Variants in PLEKHO1 observed in about 807,000 individuals in gnomAD.
PLEKHO1 encodes pleckstrin homology domain-containing family O member 1.
PLEKHO1 carries 22 observed loss-of-function variants against 41.4 expected under a neutral mutation model. The observed-to-expected ratio is 0.53, with a 90% confidence interval of 0.38 to 0.76. PLEKHO1 has a LOEUF of 0.76. Ranked by LOEUF, PLEKHO1 falls within the 30% of genes least tolerant of loss-of-function variation. PLEKHO1 has a pLI of 0.00. For synonymous variants in PLEKHO1, 225 were observed against 210.8 expected, an observed-to-expected ratio of 1.07 and a Z score of -0.58; for missense variants, 488 against 518.3, an observed-to-expected ratio of 0.94 and a Z score of 0.57.
chr1:150,150,679 GC>G (rs1357727990), intron 1 of PLEKHO1: 19 of 501,184 alleles, frequency 3.8e-5, no homozygotes, highest in African/African-American at 3.2e-4. Context: ...CCCGGCCGGC[GC>G]CCCTGCCACT....
chr1:150,159,085 A>C lies in PLEKHO1; in HGVS notation c.792A>C (p.Thr264=). 1 of 1,613,842 alleles carries C rather than the reference A, an allele frequency of 6.2e-7. No homozygotes were observed. The highest frequency in any genetic ancestry group is 8.5e-7 in the Non-Finnish European group (1 of 1,179,860). ...AGGCACCCAAGAAGTTGACGCCCACAGAGAAAGGCCGCTGCGCCTCCCTGG... is the reference window on the plus strand; with the variant it reads ...AGGCACCCAAGAAGTTGACGCCCACCGAGAAAGGCCGCTGCGCCTCCCTGG... ...TPQAPKKLTP[T]EKGRCASLEE... Residue 264 remains threonine (T), a synonymous_variant, in exon 6 of 6, where the codon ACA becomes ACC. Coordinates refer to ENST00000369124, the MANE Select transcript of PLEKHO1 (RefSeq NM_016274.6).
At chr1:150,158,394 C>T (rs1660264621) in intron 5 of PLEKHO1, among the ~76,000 whole-genome samples, 1 of 152,054 alleles carries the variant, frequency 6.6e-6, no homozygotes, top group Non-Finnish European at 1.5e-5. Flanking sequence ...CAGTCAAGAG[C>T]AGAGGGCTTT....
rs782544075 is a variant in PLEKHO1, at chr1:150,159,564, C to T, written c.*41C>T. 7.0e-5 allele frequency: 92 copies of T among 1,307,620 alleles called. No homozygotes were observed. The highest frequency in any genetic ancestry group is 2.0e-4 in the Middle Eastern group (1 of 4,952). The allele number at this position is 1,307,620 out of a possible 1,614,324, so 81.0% of individuals were successfully genotyped here. ...TGGAACTTGTCGGGTTGGACAGACTCTTATCTCCGTGTTGCTGGATAAAGC... is the reference window on the plus strand; with the variant it reads ...TGGAACTTGTCGGGTTGGACAGACTTTTATCTCCGTGTTGCTGGATAAAGC... On this transcript the variant is annotated 3_prime_UTR_variant, in exon 6 of 6. Coordinates refer to ENST00000369124, the MANE Select transcript of PLEKHO1 (RefSeq NM_016274.6).
Position 150,158,829 on chromosome 1 carries a change from C to G in PLEKHO1, c.536C>G (p.Ser179Cys), listed in dbSNP as rs1329476687. 7.5e-6 allele frequency: 12 copies of G among 1,603,088 alleles called. No homozygotes were observed. The Admixed American group carries it at 1.8e-4, about 25-fold the overall frequency. ...RGHLMAVAST[S>C]TSDGMLTLDL... ...CCCCTTCCTCCACAGGCTTCCACCT[C>G]TACCTCGGATGGGATGCTGACCTTG... The change falls in exon 6 of 6, where the codon TCT (serine) becomes TGT (cysteine). Residue 179 changes from serine (S) to cysteine (C), a missense_variant. This residue lies in a region of PLEKHO1 where 337 missense variants were observed against 324.6 expected (regional missense o/e 1.04). Coordinates refer to ENST00000369124, the MANE Select transcript of PLEKHO1 (RefSeq NM_016274.6).
At position 150,150,300 on chromosome 1, in the gene PLEKHO1, G is replaced by A. The variant is rs781843216; in HGVS notation, c.30+13G>A. ...TTCCGCCAAGCGGGTGAGTGCGCTT[G>A]CCCGCCCTGCGGCCGCCGCCGCCTC... On this transcript the variant is annotated intron_variant, in intron 1 of 5. Coordinates refer to ENST00000369124, the MANE Select transcript of PLEKHO1 (RefSeq NM_016274.6). 1 of 1,086,976 alleles carries A rather than the reference G, an allele frequency of 9.2e-7. No individual in the cohort carries two copies. Among genetic ancestry groups the A allele is most frequent in the South Asian group, 2.9e-5 (1 of 34,146 alleles). The allele number at this position is 1,086,976 out of a possible 1,614,324, so 67.3% of individuals were successfully genotyped here.
intron 2 of PLEKHO1, among the ~76,000 whole-genome samples, chr1:150,152,130 C>T (rs1553819170): frequency 1.3e-5 from 2 of 152,126 alleles, no homozygotes; most frequent in East Asian, 3.9e-4. Flanking sequence ...GTAAATAAAA[C>T]CTTTTATGGT....
At chr1:150,157,558 C>A in intron 5 of PLEKHO1, 72 bp downstream of exon 5, 3 of 1,061,114 alleles carry the variant, frequency 2.8e-6, no homozygotes, top group East Asian at 2.4e-5. Context: ...GAACTGTATG[C>A]CACCAGAGGC....
At chr1:150,157,546 CAG>C in intron 5 of PLEKHO1, 60 bp downstream of exon 5, 2 of 1,221,524 alleles carry the variant, frequency 1.6e-6, no homozygotes, top group Non-Finnish European at 2.4e-6. Context: ...CCATCTCAGA[CAG>C]AACTGTATGC....
At chr1:150,157,105 G>A (rs374365471) in intron 4 of PLEKHO1, 90 bp downstream of exon 4, 24 of 833,640 alleles carry the variant, frequency 2.9e-5, no homozygotes, top group East Asian at 2.0e-4. Context: ...TGCAGGCCCC[G>A]TTTACTCGCT....
intron 2 of PLEKHO1, chr1:150,155,093 C>T (rs1553820067): frequency 6.6e-6 from 1 of 152,228 alleles, no homozygotes; most frequent in East Asian, 1.9e-4. Context: ...GGAATGCGGC[C>T]TCGATGAGAC....
Position 150,151,649 on chromosome 1 carries a change from A to C in PLEKHO1, c.177+591A>C, listed in dbSNP as rs587716707. Among the ~76,000 whole-genome samples, 5 of 152,072 alleles carry C rather than the reference A, an allele frequency of 3.3e-5. No individual in the cohort carries two copies. The South Asian group carries it at 1.0e-3, about 32-fold the overall frequency. ...TTCCCCACCCCCACCCCATTTAAAA[A>C]AGGCAAGGAACCCATTTTCTACCCA... On this transcript the variant is annotated intron_variant, in intron 2 of 5. Transcript: ENST00000369124.
At chr1:150,156,308 A>G (rs1351896874) in intron 3 of PLEKHO1, 102 bp downstream of exon 3, 1 of 971,756 alleles carries the variant, frequency 1.0e-6, no homozygotes, top group Non-Finnish European at 1.5e-6. Flanking sequence ...ATCTTGGTTC[A>G]GATTCCCTGA....
chr1:150,156,790 A>T, intron 3 of PLEKHO1, 121 bp from the exon 4 acceptor site: 1 of 693,224 alleles, frequency 1.4e-6, no homozygotes, highest in Non-Finnish European at 2.6e-6. Flanking sequence ...CTGGAAGCAG[A>T]ATATCTCTCC....
intron 2 of PLEKHO1, chr1:150,153,856 G>A (rs1171759631): frequency 1.3e-5 from 2 of 152,158 alleles, no homozygotes; most frequent in African/African-American, 4.8e-5. Context: ...TCAGGGGAAA[G>A]GAAGGGTTAA....
intron 2 of PLEKHO1, chr1:150,154,095 G>A (rs1660068944): frequency 6.6e-6 from 1 of 152,160 alleles, no homozygotes; most frequent in Non-Finnish European, 1.5e-5. Context: ...ATGCAAGGTA[G>A]AATAACTCCC....
At chr1:150,156,795 C>G in intron 3 of PLEKHO1, 116 bp from the exon 4 acceptor site, 1 of 704,786 alleles carries the variant, frequency 1.4e-6, no homozygotes, top group African/African-American at 1.8e-5. Flanking sequence ...AGCAGAATAT[C>G]TCTCCTTCCT....
rs1217429113 is a variant in PLEKHO1 at position 150,157,103 on chromosome 1, C to T, written c.423+88C>T. 1.4e-5 allele frequency: 12 copies of T among 852,716 alleles called. No individual in the cohort carries two copies. The African/African-American group carries it at 1.7e-4, about 12-fold the overall frequency. 52.8% of individuals were successfully genotyped at this position (852,716 alleles called of 1,614,324 possible). On this transcript the variant is annotated intron_variant, in intron 4 of 5. Transcript: ENST00000369124. ...CTGAAGGGGGAGGATTGTGCAGGCC[C>T]CGTTTACTCGCTCCTCCACCAGCTC...
chr1:150,150,312 G>T, intron 1 of PLEKHO1, 25 bp downstream of exon 1: 2 of 1,055,436 alleles, frequency 1.9e-6, no homozygotes, highest in Admixed American at 4.3e-5. Flanking sequence ...CCGCCCTGCG[G>T]CCGCCGCCGC....
Position 150,151,075 on chromosome 1 carries a change from T to C in PLEKHO1, c.177+17T>C. Reference sequence around the variant, plus strand: ...GAGAAGGAGGTGGGTGCCTCTTGCCTCTAACTCTCCGTTTTCTCATAGCCC... The same window carrying C: ...GAGAAGGAGGTGGGTGCCTCTTGCCCCTAACTCTCCGTTTTCTCATAGCCC... On this transcript the variant is annotated intron_variant, in intron 2 of 5. Coordinates refer to ENST00000369124, the MANE Select transcript of PLEKHO1 (RefSeq NM_016274.6). 1 of 1,613,380 alleles carries C rather than the reference T, an allele frequency of 6.2e-7. No homozygotes were observed. The highest frequency in any genetic ancestry group is 8.5e-7 in the Non-Finnish European group (1 of 1,179,458).
Sources: gnomAD v4.1 joint callset for allele counts (sites outside exome capture counted in the v4.1 genomes callset) on GRCh38, gnomAD v4.1.1 for gene constraint, gnomAD v4.1.1 regional missense constraint, MANE v1.5 for transcripts, NCBI Gene and HGNC (gene_info 2026-07-23, HGNC 2026-07-21) for gene names.